Variants in BBX observed in about 807,000 individuals in gnomAD.
BBX encodes the protein HMG box transcription factor BBX.
Under a neutral mutation model 100.2 loss-of-function variants are expected in BBX, and 30 were observed. The ratio of observed to expected loss-of-function variants is 0.30; its 90% CI spans 0.22 to 0.41. BBX has a LOEUF of 0.41. BBX is among the 10% of genes least tolerant of loss of function. The probability of loss-of-function intolerance (pLI) is 1.00; values close to 1 mark genes in which losing one functional copy is unlikely to be tolerated. For synonymous variants in BBX, 376 were observed against 388.1 expected (o/e 0.97, Z 0.37); for missense variants, 1,023 against 1,129.8 (o/e 0.91, Z 1.35).
Position 107,563,985 on chromosome 3 carries a change from G to A in BBX, c.-84+37587G>A, listed in dbSNP as rs557600355. 4.6e-5 allele frequency among the ~76,000 whole-genome samples: 7 copies of A among 152,060 alleles called. No homozygotes were observed. In the South Asian group the frequency reaches 6.2e-4, roughly 14 times the overall value. On this transcript the variant is annotated intron_variant, in intron 2 of 17. Transcript: ENST00000325805. ...TTCAAAATCCTTTCAGTGCATTTGCGTACTTACCTGTGGTTTCACAGAGAA... is the reference window on the plus strand; with the variant it reads ...TTCAAAATCCTTTCAGTGCATTTGCATACTTACCTGTGGTTTCACAGAGAA...
intron 5 of BBX, among the ~76,000 whole-genome samples, chr3:107,717,193 A>G (rs953441264): frequency 2.0e-5 from 3 of 152,090 alleles, no homozygotes; most frequent in African/African-American, 7.2e-5. Context: ...ATGGTAATTT[A>G]TTGTGAATGG....
intron 2 of BBX, among the ~76,000 whole-genome samples, chr3:107,536,713 T>C (rs2048516524): frequency 6.6e-6 from 1 of 152,176 alleles, no homozygotes; most frequent in Non-Finnish European, 1.5e-5. Flanking sequence ...GCAGAAACTA[T>C]ACCAATTTTT....
chr3:107,747,614 T>A (rs1446693335), intron 8 of BBX, among the ~76,000 whole-genome samples: 1 of 151,950 alleles, frequency 6.6e-6, no homozygotes, highest in Non-Finnish European at 1.5e-5. Flanking sequence ...GGGAGTGGCT[T>A]CACTTGCAAC....
intron 2 of BBX, among the ~76,000 whole-genome samples, chr3:107,543,239 G>A (rs1204175086): frequency 6.6e-6 from 1 of 152,082 alleles, no homozygotes; most frequent in African/African-American, 2.4e-5. Context: ...AAGAAAGGAA[G>A]GCCTAGATTA....
intron 2 of BBX, among the ~76,000 whole-genome samples, chr3:107,558,143 A>G (rs1392846257): frequency 6.6e-6 from 1 of 152,226 alleles, no homozygotes; most frequent in East Asian, 1.9e-4. Context: ...TCAGCAGGAT[A>G]CTTCAGGGAG....
chr3:107,526,666 T>A, intron 2 of BBX: 1 of 259,858 alleles, frequency 3.8e-6, no homozygotes, highest in Non-Finnish European at 7.2e-6. Context: ...GACATTTTAA[T>A]TTATAATGAA....
intron 6 of BBX, among the ~76,000 whole-genome samples, chr3:107,731,812 C>T (rs966510135): frequency 6.6e-6 from 1 of 151,926 alleles, no homozygotes; most frequent in African/African-American, 2.4e-5. Flanking sequence ...ATCTTCAACC[C>T]GAAAAAGAAA....
At chr3:107,663,972 A>AT (rs1486910620) in intron 3 of BBX, among the ~76,000 whole-genome samples, 1 of 151,710 alleles carries the variant, frequency 6.6e-6, no homozygotes, top group Non-Finnish European at 1.5e-5. Flanking sequence ...TGCCCAGCTA[A>AT]TTTTTTGTAT....
chr3:107,783,506 C>T (rs531802465), intron 13 of BBX, among the ~76,000 whole-genome samples: 95 of 152,122 alleles, frequency 6.2e-4, no homozygotes, highest in African/African-American at 2.1e-3. Flanking sequence ...ACACTGCATA[C>T]GTCAAATCAT....
chr3:107,570,967 A>AGAAAT (rs1341364241), intron 2 of BBX, among the ~76,000 whole-genome samples: 2 of 152,176 alleles, frequency 1.3e-5, no homozygotes, highest in Non-Finnish European at 1.5e-5. Context: ...GATAAAATGG[A>AGAAAT]GAAATCAAAA....
chr3:107,570,819 A>G (rs1018308327), intron 2 of BBX, among the ~76,000 whole-genome samples: 4 of 152,084 alleles, frequency 2.6e-5, no homozygotes, highest in Admixed American at 1.3e-4. Context: ...GAAGGAACAG[A>G]CAGGAGAGAA....
intron 5 of BBX, among the ~76,000 whole-genome samples, chr3:107,722,745 C>CT (rs1182575787): frequency 6.6e-6 from 1 of 151,882 alleles, no homozygotes; most frequent in East Asian, 1.9e-4. Context: ...GTGAAATAGT[C>CT]TAATTTTTTT....
chr3:107,691,142 A>G (rs2060146721), intron 3 of BBX, among the ~76,000 whole-genome samples: 1 of 151,992 alleles, frequency 6.6e-6, no homozygotes. Context: ...CCTAGGCTCA[A>G]ACGATTACTC....
chr3:107,567,656 A>G (rs562272571), intron 2 of BBX, among the ~76,000 whole-genome samples: 12 of 152,256 alleles, frequency 7.9e-5, no homozygotes, highest in South Asian at 2.1e-4. Context: ...TTTTACGGAT[A>G]TGGACATAGC....
rs539240765 is a variant in BBX at position 107,806,920 on chromosome 3, C to A, written c.*1463C>A. 5 of 152,046 alleles carry A rather than the reference C, an allele frequency of 3.3e-5. No homozygotes were observed. The highest frequency in any genetic ancestry group is 1.2e-4 in the African/African-American group (5 of 41,386). The allele number at this position is 152,046 out of a possible 1,614,324, so 9.4% of individuals were successfully genotyped here. A position where few individuals can be genotyped will look rare whatever the true frequency, so the allele number is the denominator to read the frequency against. On this transcript the variant is annotated 3_prime_UTR_variant, in exon 18 of 18. Coordinates refer to ENST00000325805, the MANE Select transcript of BBX (RefSeq NM_001142568.3). The stretch of plus-strand genomic sequence containing the variant: ...TAATTTTTAATGGTTTTCAAACTGG[C>A]GGAATTTTGACAGTGCTAGTTCGAG...
At chr3:107,670,409 C>T (rs2058959623) in intron 3 of BBX, among the ~76,000 whole-genome samples, 1 of 151,882 alleles carries the variant, frequency 6.6e-6, no homozygotes, top group African/African-American at 2.4e-5. Context: ...TTTCAAATAG[C>T]TAGAAGGAAG....
At chr3:107,551,927 A>G (rs919335147) in intron 2 of BBX, among the ~76,000 whole-genome samples, 4 of 152,194 alleles carry the variant, frequency 2.6e-5, no homozygotes, top group African/African-American at 7.2e-5. Flanking sequence ...AGAAAGCCCT[A>G]TGTTTACTTT....
At chr3:107,608,534 T>G (rs2054608931) in intron 2 of BBX, among the ~76,000 whole-genome samples, 1 of 152,132 alleles carries the variant, frequency 6.6e-6, no homozygotes, top group South Asian at 2.1e-4. Flanking sequence ...TTAGGATGAG[T>G]TTGGCTAGTC....
chr3:107,742,409 A>G (rs1368767702), intron 7 of BBX, among the ~76,000 whole-genome samples: 1 of 151,466 alleles, frequency 6.6e-6, no homozygotes, highest in African/African-American at 2.4e-5. Context: ...AGCTAACTAC[A>G]TAGCTTAGTA....
Sources: gnomAD v4.1 joint callset for allele counts (sites outside exome capture counted in the v4.1 genomes callset) on GRCh38, gnomAD v4.1.1 for gene constraint, MANE v1.5 for transcripts, NCBI Gene and HGNC (gene_info 2026-07-23, HGNC 2026-07-21) for gene names.